The following NKAIN3 variants were observed in gnomAD, a reference collection of about 807,000 sequenced individuals.
NKAIN3 encodes the protein sodium/potassium-transporting ATPase subunit beta-1-interacting protein 3.
In NKAIN3, 25 loss-of-function variants were observed where a neutral mutation model predicts 30.2. That is an observed-to-expected ratio of 0.83 (90% CI 0.60 to 1.16). The LOEUF (loss-of-function observed/expected upper bound fraction) is 1.16, where lower values mean the gene tolerates loss of function less well. NKAIN3 is among the 50% of genes most tolerant of loss of function. The probability of loss-of-function intolerance (pLI) is 0.00; values close to 1 mark genes in which losing one functional copy is unlikely to be tolerated. For synonymous variants in NKAIN3, 91 were observed against 89.6 expected, an observed-to-expected ratio of 1.02 and a Z score of -0.09; for missense variants, 225 against 254.1, an observed-to-expected ratio of 0.89 and a Z score of 0.78.
intron 3 of NKAIN3, among the ~76,000 whole-genome samples, chr8:62,729,287 C>A (rs1011253825): frequency 1.3e-5 from 2 of 152,044 alleles, no homozygotes; most frequent in Non-Finnish European, 2.9e-5. Context: ...CGTAACAGTT[C>A]ATCACAGAAA....
intron 4 of NKAIN3, among the ~76,000 whole-genome samples, chr8:62,840,976 C>A (rs551838186): frequency 2.0e-5 from 3 of 152,162 alleles, no homozygotes; most frequent in African/African-American, 7.2e-5. Flanking sequence ...AAGAACTCAG[C>A]TAGAGGGTTC....
At chr8:62,575,985 A>G (rs973847637) in intron 1 of NKAIN3, among the ~76,000 whole-genome samples, 6 of 152,150 alleles carry the variant, frequency 3.9e-5, no homozygotes, top group African/African-American at 7.2e-5. Flanking sequence ...TTTAAGGCCT[A>G]AATCTAAGAC....
At chr8:62,651,912 G>A (rs576299450) in intron 3 of NKAIN3, among the ~76,000 whole-genome samples, 2 of 152,160 alleles carry the variant, frequency 1.3e-5, no homozygotes, top group East Asian at 3.9e-4. Flanking sequence ...AGCTTTCTGA[G>A]GCCCTCACCA....
intron 1 of NKAIN3, among the ~76,000 whole-genome samples, chr8:62,435,926 A>C (rs1805158721): frequency 6.6e-6 from 1 of 152,224 alleles, no homozygotes. Flanking sequence ...TTCTTTAGCC[A>C]TTAAATATTC....
Position 62,871,796 on chromosome 8 carries a change from A to G in NKAIN3, c.472-46657A>G, listed in dbSNP as rs139739350. On this transcript the variant is annotated intron_variant, in intron 4 of 6. Coordinates refer to ENST00000623646, the MANE Select transcript of NKAIN3 (RefSeq NM_001304533.3). ...AAATTGCCATTTTCACCACTTGTGG[A>G]AAATGATGAGGAATCAGTGATCTGA... Among the ~76,000 whole-genome samples, 136 of 152,360 alleles carry G rather than the reference A, an allele frequency of 8.9e-4. 1 individual carries two copies. In the Middle Eastern group the frequency reaches 0.02, roughly 23 times the overall value.
At chr8:62,929,650 A>ATATC (rs1822559370) in intron 5 of NKAIN3, among the ~76,000 whole-genome samples, 1 of 152,126 alleles carries the variant, frequency 6.6e-6, no homozygotes, top group African/African-American at 2.4e-5. Flanking sequence ...AATTCTATTA[A>ATATC]TATCTACTCA....
In NKAIN3 at chr8:62,974,386, A is replaced by G. The variant is rs200874026; in HGVS notation, c.*8979A>G. Among the ~76,000 whole-genome samples the G allele has an allele frequency of 1.3e-3, 192 of 152,210 alleles. 1 individual carries two copies. The Middle Eastern group carries it at 0.024, about 19-fold the overall frequency. On this transcript the variant is annotated 3_prime_UTR_variant, in exon 7 of 7. Transcript: ENST00000623646. ...TGAAGAGGTCATTCACATCCCTTGT[A>G]AGTTGCATTCCTAGGTATTTTATTC...
At chr8:62,866,487 C>G (rs1217508484) in intron 4 of NKAIN3, among the ~76,000 whole-genome samples, 1 of 152,096 alleles carries the variant, frequency 6.6e-6, no homozygotes, top group Non-Finnish European at 1.5e-5. Flanking sequence ...TTATGCATTT[C>G]CTTAAAATTA....
At chr8:62,634,176 T>C (rs754179243) in intron 3 of NKAIN3, among the ~76,000 whole-genome samples, 29 of 151,986 alleles carry the variant, frequency 1.9e-4, no homozygotes, top group Non-Finnish European at 2.9e-5. Context: ...CTGAGGTTTT[T>C]TTTTTCCTCA....
At chr8:62,904,909 G>C (rs527893522) in intron 4 of NKAIN3, among the ~76,000 whole-genome samples, 6 of 152,104 alleles carry the variant, frequency 3.9e-5, no homozygotes, top group Admixed American at 1.3e-4. Flanking sequence ...TCAAAGTAGA[G>C]GAAGAAGCAG....
chr8:62,656,086 G>A (rs1812754882), intron 3 of NKAIN3, among the ~76,000 whole-genome samples: 1 of 152,054 alleles, frequency 6.6e-6, no homozygotes, highest in South Asian at 2.1e-4. Flanking sequence ...AGGAGAAGGT[G>A]GAAGCTGAGA....
At chr8:62,311,712 G>A (rs1814438842) in intron 1 of NKAIN3, among the ~76,000 whole-genome samples, 1 of 150,480 alleles carries the variant, frequency 6.6e-6, no homozygotes, top group Non-Finnish European at 1.5e-5. Flanking sequence ...GCCACCTGGG[G>A]CACACGAAGA....
chr8:62,332,679 C>A (rs1815394066), intron 1 of NKAIN3, among the ~76,000 whole-genome samples: 1 of 152,060 alleles, frequency 6.6e-6, no homozygotes, highest in Non-Finnish European at 1.5e-5. Context: ...CACAAACTGA[C>A]AAAATTCTGT....
At chr8:62,378,770 G>A (rs887735981) in intron 1 of NKAIN3, among the ~76,000 whole-genome samples, 1 of 152,200 alleles carries the variant, frequency 6.6e-6, no homozygotes, top group African/African-American at 2.4e-5. Flanking sequence ...GCAGAAGTCT[G>A]CTGCAGGGAT....
intron 3 of NKAIN3, among the ~76,000 whole-genome samples, chr8:62,666,100 G>A (rs930561093): frequency 6.6e-6 from 1 of 152,018 alleles, no homozygotes; most frequent in African/African-American, 2.4e-5. Context: ...TGTAATCCCA[G>A]CTACTCAGGA....
intron 3 of NKAIN3, among the ~76,000 whole-genome samples, chr8:62,611,393 A>C (rs1018352083): frequency 6.6e-6 from 1 of 152,160 alleles, no homozygotes; most frequent in Non-Finnish European, 1.5e-5. Flanking sequence ...CTAAGGTCTT[A>C]GTCATTCTTT....
chr8:62,952,967 T>C (rs939269065), intron 5 of NKAIN3, among the ~76,000 whole-genome samples: 2 of 152,174 alleles, frequency 1.3e-5, no homozygotes, highest in African/African-American at 2.4e-5. Flanking sequence ...TGTCTATATT[T>C]GGTGAAAAGA....
chr8:62,973,933 A>G lies in NKAIN3; in HGVS notation c.*8526A>G, dbSNP rs1258709268. On this transcript the variant is annotated 3_prime_UTR_variant, in exon 7 of 7. Coordinates refer to ENST00000623646, the MANE Select transcript of NKAIN3 (RefSeq NM_001304533.3). The stretch of plus-strand genomic sequence containing the variant: ...TTATTAAATAGGAAATCCTTTCCCC[A>G]TTGCTTGTTTTTATCAGGTTTGTCA... Among the ~76,000 whole-genome samples, 2 of 152,122 alleles carry G rather than the reference A, an allele frequency of 1.3e-5. No individual in the cohort carries two copies. The highest frequency in any genetic ancestry group is 6.5e-5 in the Admixed American group (1 of 15,272).
chr8:62,903,491 A>G (rs1821672539), intron 4 of NKAIN3, among the ~76,000 whole-genome samples: 2 of 152,102 alleles, frequency 1.3e-5, no homozygotes, highest in South Asian at 4.2e-4. Flanking sequence ...TGGGCGCACA[A>G]GATAGCACAG....
Sources: allele counts gnomAD v4.1 joint callset (sites outside exome capture counted in the v4.1 genomes callset), GRCh38; gene constraint gnomAD v4.1.1; transcripts MANE v1.5; gene names NCBI Gene and HGNC (gene_info 2026-07-23, HGNC 2026-07-21).